Variants in TBC1D5 observed in about 807,000 individuals in gnomAD.
TBC1D5 encodes the protein TBC1 domain family, member 5.
TBC1D5 carries 75 observed loss-of-function variants against 100.3 expected under a neutral mutation model. The observed-to-expected ratio is 0.75, with a 90% CI of 0.62 to 0.91. The LOEUF (loss-of-function observed/expected upper bound fraction) is 0.91, where lower values mean the gene tolerates loss of function less well. Among genes scored for constraint, TBC1D5 ranks in the 40% least tolerant of loss-of-function variants. The probability of loss-of-function intolerance (pLI) is 0.00; values close to 1 mark genes in which losing one functional copy is unlikely to be tolerated. For missense variants in TBC1D5, 910 were observed against 942.4 expected (o/e 0.97, Z 0.45); for synonymous variants, 323 against 325.6 (o/e 0.99, Z 0.09).
At chr3:17,536,408 CTT>C (rs1208579567) in intron 2 of TBC1D5, among the ~76,000 whole-genome samples, 6 of 152,148 alleles carry the variant, frequency 3.9e-5, no homozygotes, top group Admixed American at 3.9e-4. Context: ...TATTTACCAA[CTT>C]ATCCATTTAA....
At chr3:17,636,029 C>T (rs911917097) in intron 1 of TBC1D5, among the ~76,000 whole-genome samples, 2 of 151,982 alleles carry the variant, frequency 1.3e-5, no homozygotes, top group African/African-American at 4.8e-5. Context: ...CCCACCTCTA[C>T]TAAAAATACA....
chr3:17,310,044 A>T (rs1333350494), intron 13 of TBC1D5, among the ~76,000 whole-genome samples: 2 of 152,120 alleles, frequency 1.3e-5, no homozygotes, highest in African/African-American at 4.8e-5. Flanking sequence ...CTTATCAGCA[A>T]TCACATCTTA....
At chr3:17,212,669 C>A (rs2073124930) in intron 18 of TBC1D5, among the ~76,000 whole-genome samples, 1 of 151,934 alleles carries the variant, frequency 6.6e-6, no homozygotes, top group South Asian at 2.1e-4. Flanking sequence ...TACTGATGAT[C>A]CTGACCCTGG....
chr3:17,672,905 T>C (rs931463218), intron 1 of TBC1D5, among the ~76,000 whole-genome samples: 3 of 152,218 alleles, frequency 2.0e-5, no homozygotes, highest in African/African-American at 7.2e-5. Context: ...CAAAGTATCC[T>C]GACCCTTAAT....
At chr3:17,594,231 G>A (rs538006124) in intron 2 of TBC1D5, among the ~76,000 whole-genome samples, 1 of 152,302 alleles carries the variant, frequency 6.6e-6, no homozygotes, top group Admixed American at 6.5e-5. Context: ...TGAAATCAGT[G>A]TACTACTCCA....
chr3:17,279,312 C>T (rs2080339427), intron 15 of TBC1D5, among the ~76,000 whole-genome samples: 1 of 152,134 alleles, frequency 6.6e-6, no homozygotes, highest in African/African-American at 2.4e-5. Flanking sequence ...TAATGCAACC[C>T]ACTTAACTGG....
At chr3:17,301,224 G>C (rs1473043974) in intron 14 of TBC1D5, among the ~76,000 whole-genome samples, 2 of 151,728 alleles carry the variant, frequency 1.3e-5, no homozygotes, top group African/African-American at 4.8e-5. Flanking sequence ...ACAAATAAAA[G>C]GTATGTTATG....
intron 18 of TBC1D5, among the ~76,000 whole-genome samples, chr3:17,203,036 T>C (rs770327000): frequency 3.9e-5 from 6 of 151,990 alleles, no homozygotes; most frequent in Non-Finnish European, 8.8e-5. Flanking sequence ...TGACAGCTTG[T>C]ACTGTGTGCC....
Position 17,220,806 on chromosome 3 carries a change from A to C in TBC1D5, c.1589-6436T>G, listed in dbSNP as rs114751455. Among the ~76,000 whole-genome samples the C allele has an allele frequency of 8.9e-3, 1,358 of 152,238 alleles. 16 individuals carry two copies. Among genetic ancestry groups the C allele is most frequent in the African/African-American group, 0.031 (1,281 of 41,564 alleles). On this transcript the variant is annotated intron_variant, in intron 17 of 21. Coordinates refer to ENST00000253692, the Ensembl canonical transcript of TBC1D5. The stretch of plus-strand genomic sequence containing the variant: ...AAGGATGGCTTAGTTTTGAATTTCA[A>C]ATTACTTTTAAAAGGCCATAGAACA...
chr3:17,168,694 C>A (rs1320150817), intron 19 of TBC1D5, among the ~76,000 whole-genome samples: 1 of 152,070 alleles, frequency 6.6e-6, no homozygotes, highest in East Asian at 1.9e-4. Flanking sequence ...AATTAAAACA[C>A]ATTTTAAAAA....
intron 7 of TBC1D5, 22 bp downstream of exon 7, chr3:17,404,672 C>A: frequency 6.3e-7 from 1 of 1,577,744 alleles, no homozygotes; most frequent in Non-Finnish European, 8.6e-7. Context: ...GAGGTTAAGA[C>A]ATGAACAAAG....
chr3:17,461,641 T>G (rs2095213005), intron 3 of TBC1D5, among the ~76,000 whole-genome samples: 1 of 151,258 alleles, frequency 6.6e-6, no homozygotes, highest in South Asian at 2.1e-4. Flanking sequence ...TCTGTGTGTG[T>G]ATGTGTGTGT....
At chr3:17,286,802 C>G (rs942898190) in intron 15 of TBC1D5, among the ~76,000 whole-genome samples, 12 of 152,166 alleles carry the variant, frequency 7.9e-5, no homozygotes, top group Non-Finnish European at 1.5e-4. Flanking sequence ...GAAAGGTGGT[C>G]TGAGGATGGG....
intron 3 of TBC1D5, among the ~76,000 whole-genome samples, chr3:17,464,806 T>C (rs1484215380): frequency 1.3e-5 from 2 of 152,188 alleles, no homozygotes; most frequent in East Asian, 3.8e-4. Context: ...AAACTACAAC[T>C]ATTTTTGTGT....
At chr3:17,179,451 TAAATATTATGACAAGTACA>T (rs1196742162) in intron 19 of TBC1D5, among the ~76,000 whole-genome samples, 1 of 152,218 alleles carries the variant, frequency 6.6e-6, no homozygotes, top group East Asian at 1.9e-4. Flanking sequence ...AATTCATGCA[TAAATATTATGACAAGTACA>T]AAATCAGTTA....
intron 19 of TBC1D5, among the ~76,000 whole-genome samples, chr3:17,170,380 G>A (rs994461725): frequency 6.6e-6 from 1 of 152,190 alleles, no homozygotes; most frequent in African/African-American, 2.4e-5. Flanking sequence ...AGAACAGGGG[G>A]CTTTTTGGGT....
At chr3:17,200,562 G>A (rs1038852657) in intron 18 of TBC1D5, among the ~76,000 whole-genome samples, 2 of 152,234 alleles carry the variant, frequency 1.3e-5, no homozygotes, top group Admixed American at 6.5e-5. Context: ...CCCTGCAACC[G>A]CATCTGTGGA....
intron 15 of TBC1D5, among the ~76,000 whole-genome samples, chr3:17,289,044 G>C (rs2081444078): frequency 6.6e-6 from 1 of 152,214 alleles, no homozygotes; most frequent in Admixed American, 6.5e-5. Context: ...TGGGGCTTCG[G>C]GGTTGTGGGC....
At chr3:17,654,296 T>C (rs2065853120) in intron 1 of TBC1D5, among the ~76,000 whole-genome samples, 1 of 152,218 alleles carries the variant, frequency 6.6e-6, no homozygotes, top group South Asian at 2.1e-4. Flanking sequence ...ACTTTAAATC[T>C]GTAACCTTCT....
Sources: allele counts gnomAD v4.1 joint callset (sites outside exome capture counted in the v4.1 genomes callset), GRCh38; gene constraint gnomAD v4.1.1; transcripts MANE v1.5; gene names NCBI Gene and HGNC (gene_info 2026-07-23, HGNC 2026-07-21).